The following TBL1XR1 variants were observed in gnomAD, a reference collection of about 807,000 sequenced individuals.
TBL1XR1 encodes F-box-like/WD repeat-containing protein TBL1XR1.
A neutral mutation model predicts 66.9 loss-of-function variants in TBL1XR1; 5 were observed. That is an observed-to-expected ratio of 0.07 (90% CI 0.04 to 0.16). The LOEUF (loss-of-function observed/expected upper bound fraction) is 0.16, where lower values mean the gene tolerates loss of function less well. TBL1XR1 is among the 10% of genes least tolerant of loss of function. The pLI, the probability that TBL1XR1 is intolerant of heterozygous loss-of-function variation, is 1.00. For missense variants in TBL1XR1, 238 were observed against 623.2 expected (o/e 0.38, Z 6.58); for synonymous variants, 210 against 206.0 (o/e 1.02, Z -0.17).
rs1037833180 is a variant in TBL1XR1 at position 177,019,680 on chromosome 3, G to C, written c.*5818C>G. The C allele has an allele frequency of 4.6e-5, 7 of 152,050 alleles. No individual in the cohort carries two copies. The highest frequency in any genetic ancestry group is 3.9e-4 in the Admixed American group (6 of 15,252). The allele number at this position is 152,050 out of a possible 1,614,324, so 9.4% of individuals were successfully genotyped here. ...TACTAGGTAATAAATCTAATCCATT[G>C]TAAAGTGTTAACTATGAAATTAAAA... On this transcript the variant is annotated 3_prime_UTR_variant, in exon 16 of 16. Transcript: ENST00000457928.
chr3:177,191,817 G>A (rs1345893760), intron 1 of TBL1XR1, among the ~76,000 whole-genome samples: 3 of 152,192 alleles, frequency 2.0e-5, no homozygotes, highest in Non-Finnish European at 2.9e-5. Context: ...TGTATTTAAA[G>A]AGTTTGCCTG....
At chr3:177,111,351 C>G (rs936160276) in intron 1 of TBL1XR1, among the ~76,000 whole-genome samples, 2 of 151,494 alleles carry the variant, frequency 1.3e-5, no homozygotes, top group African/African-American at 4.9e-5. Flanking sequence ...CGGCTCACTG[C>G]AACCTCTGCC....
intron 2 of TBL1XR1, chr3:177,091,026 G>A (rs1722771763): frequency 6.6e-6 from 1 of 151,538 alleles, no homozygotes; most frequent in Admixed American, 6.6e-5. Context: ...AGGGAGAGGG[G>A]AAGGGAAGAA....
intron 15 of TBL1XR1, chr3:177,026,040 T>C (rs972968266): frequency 5.2e-5 from 16 of 308,044 alleles, no homozygotes; most frequent in African/African-American, 3.6e-4. Flanking sequence ...AAAAAAATTC[T>C]TCTGTGAAGA....
intron 1 of TBL1XR1, among the ~76,000 whole-genome samples, chr3:177,135,701 G>C (rs1021264719): frequency 6.6e-6 from 1 of 150,912 alleles, no homozygotes; most frequent in African/African-American, 2.4e-5. Flanking sequence ...TATATTTCCA[G>C]TGATCACAAC....
At chr3:177,122,854 C>T (rs1176704086) in intron 1 of TBL1XR1, among the ~76,000 whole-genome samples, 6 of 151,090 alleles carry the variant, frequency 4.0e-5, no homozygotes, top group African/African-American at 1.5e-4. Context: ...CTTCCAACTC[C>T]AACAGTGTTT....
intron 3 of TBL1XR1, among the ~76,000 whole-genome samples, chr3:177,055,649 A>G (rs539520006): frequency 8.5e-5 from 13 of 152,098 alleles, no homozygotes; most frequent in Non-Finnish European, 1.8e-4. Context: ...CCAGATCACC[A>G]AGGCAGAAAA....
rs982968205 is a variant in TBL1XR1 at position 177,020,046 on chromosome 3, G to T, written c.*5452C>A. 1 of 150,216 alleles carries T rather than the reference G, an allele frequency of 6.7e-6. No individual in the cohort carries two copies. Among genetic ancestry groups the T allele is most frequent in the Admixed American group, 6.6e-5 (1 of 15,054 alleles). The allele number at this position is 150,216 out of a possible 1,614,324, so 9.3% of individuals were successfully genotyped here. A position where few individuals can be genotyped will look rare whatever the true frequency, so the allele number is the denominator to read the frequency against. On this transcript the variant is annotated 3_prime_UTR_variant, in exon 16 of 16. Transcript: ENST00000457928. ...TTTTAAAAAGTCTCTAACTCTAAAG[G>T]AGTTGGTATTAATTAAAACTAGAAG...
At chr3:177,088,763 A>G (rs889149951) in intron 2 of TBL1XR1, among the ~76,000 whole-genome samples, 7 of 152,104 alleles carry the variant, frequency 4.6e-5, no homozygotes, top group African/African-American at 1.7e-4. Flanking sequence ...GTTCAATGTA[A>G]CCCTCTTACT....
At chr3:177,146,561 G>C (rs1377803235) in intron 1 of TBL1XR1, among the ~76,000 whole-genome samples, 2 of 118,986 alleles carry the variant, frequency 1.7e-5, no homozygotes, top group African/African-American at 6.5e-5. Flanking sequence ...CTGCACTCCA[G>C]CCTGGGCAGC....
intron 1 of TBL1XR1, among the ~76,000 whole-genome samples, chr3:177,188,233 A>G (rs774814058): frequency 1.3e-5 from 2 of 151,834 alleles, no homozygotes; most frequent in Non-Finnish European, 2.9e-5. Flanking sequence ...CCCGGCCCAG[A>G]GAATACAATT....
At chr3:177,112,102 TA>T (rs1341286765) in intron 1 of TBL1XR1, among the ~76,000 whole-genome samples, 703 of 57,604 alleles carry the variant, frequency 0.012, 12 homozygotes, top group Non-Finnish European at 0.017. Context: ...TATATATATA[TA>T]TATATTTTTT....
chr3:177,180,633 G>A (rs1288609031), intron 1 of TBL1XR1, among the ~76,000 whole-genome samples: 2 of 151,936 alleles, frequency 1.3e-5, no homozygotes, highest in African/African-American at 2.4e-5. Context: ...AAACAAATGC[G>A]TCATCCTCTA....
chr3:177,084,106 A>AG (rs1721825333), intron 2 of TBL1XR1, among the ~76,000 whole-genome samples: 3 of 151,164 alleles, frequency 2.0e-5, no homozygotes, highest in Non-Finnish European at 2.9e-5. Flanking sequence ...AAAAAAAGAA[A>AG]AAAGAAAAGA....
intron 1 of TBL1XR1, among the ~76,000 whole-genome samples, chr3:177,163,213 A>G (rs1732428584): frequency 6.6e-6 from 1 of 152,178 alleles, no homozygotes; most frequent in Non-Finnish European, 1.5e-5. Flanking sequence ...GCCATTTAAA[A>G]GAAAAAAAAG....
intron 1 of TBL1XR1, chr3:177,110,784 A>AT (rs1164460276): frequency 1.3e-5 from 2 of 152,216 alleles, no homozygotes; most frequent in Admixed American, 6.5e-5. Context: ...TGGGAAGCAG[A>AT]TAAGTGTGAG....
intron 1 of TBL1XR1, among the ~76,000 whole-genome samples, chr3:177,173,002 G>T (rs903053030): frequency 6.6e-6 from 1 of 152,084 alleles, no homozygotes; most frequent in Admixed American, 6.6e-5. Context: ...GAGAAACCTC[G>T]TATCTACTAA....
intron 10 of TBL1XR1, among the ~76,000 whole-genome samples, chr3:177,040,034 G>A (rs1418845313): frequency 6.6e-6 from 1 of 152,188 alleles, no homozygotes; most frequent in Non-Finnish European, 1.5e-5. Context: ...AAAAACAGGA[G>A]AGTTAAAGTT....
chr3:177,172,669 AG>A (rs1251076939), intron 1 of TBL1XR1, among the ~76,000 whole-genome samples: 1 of 39,936 alleles, frequency 2.5e-5, no homozygotes, highest in Non-Finnish European at 5.7e-5. Context: ...GAGAGAAGGG[AG>A]GGGAGGGGAG....
Sources: gnomAD v4.1 joint callset for allele counts (sites outside exome capture counted in the v4.1 genomes callset) on GRCh38, gnomAD v4.1.1 for gene constraint, MANE v1.5 for transcripts, NCBI Gene and HGNC (gene_info 2026-07-23, HGNC 2026-07-21) for gene names.